The following ABCB11 variants were observed in gnomAD, a reference collection of about 807,000 sequenced individuals.
ABCB11 encodes bile salt export pump.
A neutral mutation model predicts 148.0 loss-of-function variants in ABCB11; 95 were observed. The observed-to-expected ratio is 0.64, with a 90% CI of 0.54 to 0.76. The LOEUF (loss-of-function observed/expected upper bound fraction) is 0.76. ABCB11 is among the 30% of genes least tolerant of loss of function. ABCB11 has a pLI of 0.00. For missense variants in ABCB11, 1,523 were observed against 1,617.8 expected, an observed-to-expected ratio of 0.94 and a Z score of 1.01; for synonymous variants, 591 against 555.4, an observed-to-expected ratio of 1.06 and a Z score of -0.90.
chr2:168,930,704 C>A lies in ABCB11; in HGVS notation c.3372G>T (p.Gln1124His). Residue 1124 changes from glutamine to histidine, a missense_variant, in exon 25 of 28, where the codon CAG becomes CAT. Transcript: ENST00000650372. The stretch of plus-strand genomic sequence containing the variant: ...CAGGATCATAGAAACGTTCCAACAG[C>A]TGAATGCTAGTGCTTTTGCCACATC... ...SSGCGKSTSI[Q>H]LLERFYDPDQ... 1 of 1,583,198 alleles carries A rather than the reference C, an allele frequency of 6.3e-7. No homozygotes were observed. Among genetic ancestry groups the A allele is most frequent in the Non-Finnish European group, 8.6e-7 (1 of 1,159,264 alleles).
intron 1 of ABCB11, 68 bp downstream of exon 1, chr2:169,031,157 C>T (rs1286573247): frequency 6.6e-6 from 1 of 152,098 alleles, no homozygotes. Flanking sequence ...CAGAAACACT[C>T]CACTCCACAA....
intron 8 of ABCB11, among the ~76,000 whole-genome samples, chr2:168,991,863 G>A (rs1442352301): frequency 6.8e-6 from 1 of 147,814 alleles, no homozygotes; most frequent in Non-Finnish European, 1.5e-5. Flanking sequence ...AAAGAGACGG[G>A]TTCTTGTTCT....
At chr2:168,951,934 G>A (rs1015813932) in intron 19 of ABCB11, among the ~76,000 whole-genome samples, 1 of 151,564 alleles carries the variant, frequency 6.6e-6, no homozygotes, top group Non-Finnish European at 1.5e-5. Context: ...AGTTTATTGA[G>A]AATATTTATC....
intron 7 of ABCB11, among the ~76,000 whole-genome samples, chr2:168,994,682 A>C (rs1158238607): frequency 6.6e-6 from 1 of 152,074 alleles, no homozygotes; most frequent in African/African-American, 2.4e-5. Flanking sequence ...GTGCAAGGCA[A>C]TTGCTCCAGA....
rs768487021 is a variant in ABCB11, at chr2:168,971,893, G to T, written c.1592C>A (p.Ala531Asp). The T allele has an allele frequency of 6.2e-7, 1 of 1,613,030 alleles. No individual in the cohort carries two copies. The highest frequency in any genetic ancestry group is 8.5e-7 in the Non-Finnish European group (1 of 1,179,338). Residue 531 changes from alanine to aspartate, a missense_variant, in exon 14 of 28, where the codon GCT becomes GAT. By Grantham distance (126) the Ala-to-Asp change is moderately radical. Coordinates refer to ENST00000650372, the MANE Select transcript of ABCB11 (RefSeq NM_003742.4). ...GTTGTAGGCATTGGCCTCCTTGGCA[G>T]CTTGGACTATGTCTTCCATTGTTGC... ...EDATMEDIVQ[A>D]AKEANAYNFI... is the part of the protein sequence containing the mutation.
intron 19 of ABCB11, 22 bp from the exon 20 acceptor site, chr2:168,944,983 A>G: frequency 7.1e-7 from 1 of 1,411,256 alleles, no homozygotes; most frequent in African/African-American, 1.5e-5. Flanking sequence ...AGTAAACAAG[A>G]AAGTAACTTT....
intron 5 of ABCB11, among the ~76,000 whole-genome samples, chr2:169,004,179 C>T (rs1038373728): frequency 1.3e-5 from 2 of 151,958 alleles, no homozygotes; most frequent in Admixed American, 1.3e-4. Context: ...TTGATCTTCT[C>T]GTATTTGGAT....
chr2:168,964,426 T>C (rs1693209640), intron 17 of ABCB11, 118 bp from the exon 18 acceptor site: 1 of 827,996 alleles, frequency 1.2e-6, no homozygotes, highest in African/African-American at 1.7e-5. Context: ...GTAGGTCACA[T>C]GGTAACCAGG....
chr2:168,954,470 T>A (rs556268730), intron 19 of ABCB11, among the ~76,000 whole-genome samples: 1 of 151,750 alleles, frequency 6.6e-6, no homozygotes, highest in African/African-American at 2.4e-5. Flanking sequence ...TCTCCTTCAC[T>A]TATGAAGCTT....
At chr2:168,972,914 C>T (rs953271550) in intron 13 of ABCB11, among the ~76,000 whole-genome samples, 1 of 151,988 alleles carries the variant, frequency 6.6e-6, no homozygotes, top group African/African-American at 2.4e-5. Context: ...CTCTCTGCTT[C>T]CTTGTTTGTC....
At chr2:169,027,110 A>G (rs903874464) in intron 1 of ABCB11, among the ~76,000 whole-genome samples, 1 of 152,230 alleles carries the variant, frequency 6.6e-6, no homozygotes, top group Non-Finnish European at 1.5e-5. Flanking sequence ...ATAACATCCA[A>G]TGCTATTTCA....
chr2:168,927,279 C>G lies in ABCB11; in HGVS notation c.3495G>C (p.Leu1165Phe). The change falls in exon 26 of 28, where the codon TTG (leucine) becomes TTC (phenylalanine). Residue 1165 changes from leucine (L) to phenylalanine (F), a missense_variant. Leu to Phe is a conservative substitution (Grantham distance 22, BLOSUM62 0). Coordinates refer to ENST00000650372, the MANE Select transcript of ABCB11 (RefSeq NM_003742.4). ...NIGIVSQEPV[L>F]FACSIMDNIK... The stretch of plus-strand genomic sequence containing the variant: ...TATTGTCCATTATGCTACAGGCAAA[C>G]AACACTGGTTCCTGGGAAACAATTC... The G allele has an allele frequency of 6.2e-7, 1 of 1,613,872 alleles. No individual in the cohort carries two copies. The highest frequency in any genetic ancestry group is 8.5e-7 in the Non-Finnish European group (1 of 1,179,800).
intron 12 of ABCB11, among the ~76,000 whole-genome samples, chr2:168,974,105 G>A (rs1693713072): frequency 6.6e-6 from 1 of 151,962 alleles, no homozygotes; most frequent in Non-Finnish European, 1.5e-5. Flanking sequence ...TAACACAGGT[G>A]AAGTAAATAA....
intron 18 of ABCB11, among the ~76,000 whole-genome samples, chr2:168,958,791 G>A (rs999944146): frequency 3.7e-4 from 56 of 151,720 alleles, no homozygotes; most frequent in Admixed American, 3.1e-3. Flanking sequence ...TCTTCTCAAA[G>A]GCAAATATTA....
chr2:168,957,008 A>T (rs1692827055), intron 19 of ABCB11, among the ~76,000 whole-genome samples: 1 of 151,568 alleles, frequency 6.6e-6, no homozygotes. Context: ...CCCTTGTTTG[A>T]TGAATCCTAA....
chr2:169,026,930 T>C (rs1695715633), intron 1 of ABCB11, among the ~76,000 whole-genome samples: 1 of 152,234 alleles, frequency 6.6e-6, no homozygotes, highest in East Asian at 1.9e-4. Context: ...GTAGATATAA[T>C]GTCACCTAGT....
At chr2:168,966,470 T>C (rs1693327400) in intron 17 of ABCB11, among the ~76,000 whole-genome samples, 1 of 151,880 alleles carries the variant, frequency 6.6e-6, no homozygotes, top group African/African-American at 2.4e-5. Flanking sequence ...CAGGTTTACC[T>C]CTCTCATCCA....
chr2:169,005,681 T>G (rs1694998646), intron 5 of ABCB11, among the ~76,000 whole-genome samples: 1 of 152,082 alleles, frequency 6.6e-6, no homozygotes. Context: ...CCAGGAAGCC[T>G]GAAGCCAAGA....
rs494874 is a variant in ABCB11 at position 168,932,796 on chromosome 2, T to C, written c.3057-263A>G. ...GAGCTCAGACCTCCAAACCTTTATT[T>C]GACCACAATAGCTTCCTTTAAGAAA... On this transcript the variant is annotated intron_variant, in intron 23 of 27. Transcript: ENST00000650372. 0.74 allele frequency among the ~76,000 whole-genome samples: 112,564 copies of C among 152,078 alleles called. 42,464 individuals carry two copies. Among genetic ancestry groups the C allele is most frequent in the East Asian group, 0.98 (5,100 of 5,186 alleles).
Sources: gnomAD v4.1 joint callset for allele counts (sites outside exome capture counted in the v4.1 genomes callset) on GRCh38, gnomAD v4.1.1 for gene constraint, MANE v1.5 for transcripts, NCBI Gene and HGNC (gene_info 2026-07-23, HGNC 2026-07-21) for gene names.